Variants in MIPOL1 observed in about 807,000 individuals in gnomAD.
MIPOL1 encodes the protein mirror-image polydactyly gene 1 protein.
In MIPOL1, 57 loss-of-function variants were observed where a neutral mutation model predicts 60.9. The observed-to-expected ratio is 0.94, with a 90% confidence interval of 0.76 to 1.17. MIPOL1 has a LOEUF of 1.17. Among genes scored for constraint, MIPOL1 ranks in the 50% most tolerant of loss-of-function variants. The probability of loss-of-function intolerance (pLI) is 0.00; values close to 1 mark genes in which losing one functional copy is unlikely to be tolerated. For missense variants in MIPOL1, 551 were observed against 511.6 expected, an observed-to-expected ratio of 1.08 and a Z score of -0.74; for synonymous variants, 179 against 168.8, an observed-to-expected ratio of 1.06 and a Z score of -0.47.
Position 37,550,937 on chromosome 14 carries a change from T to C in MIPOL1, c.*3966T>C, listed in dbSNP as rs920342202. ...AAGAAAACTTTTCTTTTTTATTATATATTTTAGTGTAAGTTAAGTTAAACT... is the reference window on the plus strand; with the variant it reads ...AAGAAAACTTTTCTTTTTTATTATACATTTTAGTGTAAGTTAAGTTAAACT... On this transcript the variant is annotated 3_prime_UTR_variant, in exon 13 of 13. Transcript: ENST00000684589. 5.9e-5 allele frequency: 9 copies of C among 152,170 alleles called. No individual in the cohort carries two copies. The highest frequency in any genetic ancestry group is 1.5e-5 in the Non-Finnish European group (1 of 67,996). The allele number at this position is 152,170 out of a possible 1,614,324, so 9.4% of individuals were successfully genotyped here. A position where few individuals can be genotyped will look rare whatever the true frequency, so the allele number is the denominator to read the frequency against.
Position 37,270,525 on chromosome 14 carries a change from G to T in MIPOL1, c.493G>T (p.Ala165Ser). The change falls in exon 6 of 13, where the codon GCT (alanine) becomes TCT (serine). Residue 165 changes from alanine (A) to serine (S), a missense_variant and splice_region_variant. Ala to Ser is a moderately conservative substitution (Grantham distance 99). Coordinates refer to ENST00000684589, the MANE Select transcript of MIPOL1 (RefSeq NM_001388067.1). ...AGCTAAAATTGCTGAAAAGACAGCAGGTATAGTAGAGGAGTATTAACACAT... is the reference window on the plus strand; with the variant it reads ...AGCTAAAATTGCTGAAAAGACAGCATGTATAGTAGAGGAGTATTAACACAT... ...TEAKIAEKTAALVEEVYFAQK... is the reference protein window; with the variant it reads ...TEAKIAEKTASLVEEVYFAQK... 1 of 1,552,436 alleles carries T rather than the reference G, an allele frequency of 6.4e-7. No individual in the cohort carries two copies. Among genetic ancestry groups the T allele is most frequent in the South Asian group, 1.2e-5 (1 of 86,272 alleles).
Position 37,548,996 on chromosome 14 carries a change from T to G in MIPOL1, c.*2025T>G, listed in dbSNP as rs1429011117. On this transcript the variant is annotated 3_prime_UTR_variant, in exon 13 of 13. Coordinates refer to ENST00000684589, the MANE Select transcript of MIPOL1 (RefSeq NM_001388067.1). The stretch of plus-strand genomic sequence containing the variant: ...ATCACATCCTCTTGAAAATGAATTG[T>G]CTACAAAATTTCAAATGCAAAGTAT... The G allele has an allele frequency of 6.6e-6, 1 of 151,980 alleles. No individual in the cohort carries two copies. Among genetic ancestry groups the G allele is most frequent in the Non-Finnish European group, 1.5e-5 (1 of 67,848 alleles). 9.4% of individuals were successfully genotyped at this position (151,980 alleles called of 1,614,324 possible).
At chr14:37,397,324 A>C (rs1011997299) in intron 10 of MIPOL1, among the ~76,000 whole-genome samples, 1 of 144,202 alleles carries the variant, frequency 6.9e-6, no homozygotes, top group East Asian at 2.2e-4. Flanking sequence ...TGTGATGTGA[A>C]CTGTCTATAG....
chr14:37,335,579 A>G (rs2090045940), intron 9 of MIPOL1, among the ~76,000 whole-genome samples: 1 of 152,104 alleles, frequency 6.6e-6, no homozygotes, highest in Admixed American at 6.6e-5. Flanking sequence ...GTTGAAGTGT[A>G]TATCAGAATT....
chr14:37,417,092 C>T (rs1362807163), intron 10 of MIPOL1, among the ~76,000 whole-genome samples: 1 of 152,078 alleles, frequency 6.6e-6, no homozygotes, highest in Non-Finnish European at 1.5e-5. Context: ...GCTAACTTGC[C>T]AAGATAGGGG....
At chr14:37,438,962 A>G (rs1225791107) in intron 11 of MIPOL1, among the ~76,000 whole-genome samples, 6 of 152,244 alleles carry the variant, frequency 3.9e-5, no homozygotes, top group African/African-American at 1.2e-4. Flanking sequence ...CTAACGTAAC[A>G]ACAATCATAT....
At chr14:37,485,568 T>C (rs971114331) in intron 11 of MIPOL1, among the ~76,000 whole-genome samples, 10 of 152,364 alleles carry the variant, frequency 6.6e-5, no homozygotes, top group African/African-American at 1.4e-4. Context: ...TTCATTTGCA[T>C]TTATCTAATG....
intron 11 of MIPOL1, among the ~76,000 whole-genome samples, chr14:37,484,606 G>A (rs1566690888): frequency 6.6e-6 from 1 of 151,958 alleles, no homozygotes; most frequent in Non-Finnish European, 1.5e-5. Flanking sequence ...AAAGTGCTGG[G>A]ATTACAGTCG....
chr14:37,500,812 A>G (rs2095204915), intron 12 of MIPOL1, among the ~76,000 whole-genome samples: 1 of 152,184 alleles, frequency 6.6e-6, no homozygotes, highest in Non-Finnish European at 1.5e-5. Context: ...CTTTAATGTA[A>G]TAGAACCACT....
chr14:37,495,620 ATT>A lies in MIPOL1; in HGVS notation c.1032-4286_1032-4285del, dbSNP rs2095113785. On this transcript the variant is annotated intron_variant, in intron 11 of 12. Transcript: ENST00000684589. ...GTGCATGTGTCTTTATAGCAGCATG[ATT>A]TATAGTCCTTTGGGTATATACCCAG... Among the ~76,000 whole-genome samples, 7 of 137,626 alleles carry A rather than the reference ATT, an allele frequency of 5.1e-5. 1 individual carries two copies. The highest frequency in any genetic ancestry group is 1.9e-4 in the African/African-American group (7 of 36,024). The allele number at this position is 137,626 out of a possible 152,430, so 90.3% of individuals were successfully genotyped here.
intron 9 of MIPOL1, among the ~76,000 whole-genome samples, chr14:37,329,251 A>G (rs1293877942): frequency 2.0e-5 from 3 of 152,112 alleles, no homozygotes; most frequent in African/African-American, 7.2e-5. Flanking sequence ...AAAAAAAAGA[A>G]TGCGGGTAAA....
At chr14:37,387,657 T>G (rs949625967) in intron 10 of MIPOL1, among the ~76,000 whole-genome samples, 1 of 151,936 alleles carries the variant, frequency 6.6e-6, no homozygotes, top group Non-Finnish European at 1.5e-5. Context: ...TAATATGAAA[T>G]TTAAGATTCT....
chr14:37,405,457 C>G (rs142958936), intron 10 of MIPOL1, among the ~76,000 whole-genome samples: 13 of 152,202 alleles, frequency 8.5e-5, no homozygotes, highest in Admixed American at 8.5e-4. Flanking sequence ...TATATGCCAA[C>G]TAAAAGTGTT....
At chr14:37,214,946 G>C (rs1967357361) in intron 1 of MIPOL1, among the ~76,000 whole-genome samples, 1 of 151,916 alleles carries the variant, frequency 6.6e-6, no homozygotes, top group African/African-American at 2.4e-5. Context: ...CCTGACATCA[G>C]TCAGGCCCAC....
intron 9 of MIPOL1, among the ~76,000 whole-genome samples, chr14:37,361,544 A>T (rs1196179734): frequency 6.8e-6 from 1 of 146,080 alleles, no homozygotes; most frequent in Non-Finnish European, 1.5e-5. Context: ...TAGGATAGTT[A>T]GCTCTCCTTG....
chr14:37,353,844 T>C (rs2091595958), intron 9 of MIPOL1, among the ~76,000 whole-genome samples: 1 of 152,178 alleles, frequency 6.6e-6, no homozygotes, highest in South Asian at 2.1e-4. Context: ...TTGTTGATCC[T>C]TTCAAAAAAC....
At chr14:37,422,187 C>T (rs570308038) in intron 10 of MIPOL1, among the ~76,000 whole-genome samples, 2 of 152,044 alleles carry the variant, frequency 1.3e-5, no homozygotes, top group African/African-American at 4.8e-5. Flanking sequence ...TTGAAAAAAA[C>T]TGATTACCTG....
chr14:37,211,036 A>G (rs879943663), intron 1 of MIPOL1, among the ~76,000 whole-genome samples: 6 of 152,234 alleles, frequency 3.9e-5, no homozygotes, highest in Non-Finnish European at 7.3e-5. Context: ...CTGAGAAGCT[A>G]GAAGCAAGAT....
In MIPOL1 at chr14:37,453,532, C is replaced by A. The variant is rs145101714; in HGVS notation, c.1031+30583C>A. On this transcript the variant is annotated intron_variant, in intron 11 of 12. Coordinates refer to ENST00000684589, the MANE Select transcript of MIPOL1 (RefSeq NM_001388067.1). Reference sequence around the variant, plus strand: ...GAATCTTGGCTTTACCCTTTACCTGCTTGACTCTGAGTAATTATTTGACCT... The same window carrying A: ...GAATCTTGGCTTTACCCTTTACCTGATTGACTCTGAGTAATTATTTGACCT... Among the ~76,000 whole-genome samples, 373 of 152,186 alleles carry A rather than the reference C, an allele frequency of 2.5e-3. 7 individuals are homozygous for A. Among genetic ancestry groups the A allele is most frequent in the Middle Eastern group, 6.8e-3 (2 of 294 alleles).
Sources: allele counts gnomAD v4.1 joint callset (sites outside exome capture counted in the v4.1 genomes callset), GRCh38; gene constraint gnomAD v4.1.1; transcripts MANE v1.5; gene names NCBI Gene and HGNC (gene_info 2026-07-23, HGNC 2026-07-21).